The following C21orf58 variants were observed in gnomAD, a reference collection of about 807,000 sequenced individuals.
The protein encoded by C21orf58 is chromosome 21 open reading frame 58, also known as uncharacterized protein C21orf58.
In C21orf58, 34 loss-of-function variants were observed where a neutral mutation model predicts 35.8. The observed-to-expected ratio is 0.95, with a 90% CI of 0.72 to 1.26. The LOEUF (loss-of-function observed/expected upper bound fraction) is 1.26. Among genes scored for constraint, C21orf58 ranks in the 50% most tolerant of loss-of-function variants. The pLI is 0.00. For synonymous variants in C21orf58, 191 were observed against 175.8 expected (o/e 1.09, Z -0.68); for missense variants, 440 against 414.3 (o/e 1.06, Z -0.54).
intron 1 of C21orf58, 126 bp from the exon 2 acceptor site, chr21:46,318,346 G>T: frequency 1.3e-6 from 2 of 1,486,616 alleles, no homozygotes; most frequent in South Asian, 1.3e-5. Context: ...GCCCCAGGTT[G>T]CCAGGTTTCC....
rs753899952 is a variant in C21orf58, at chr21:46,302,552, TGCA to T, written c.743_745del (p.Leu248del). On this transcript the variant is annotated inframe_deletion, in exon 7 of 8. Coordinates refer to ENST00000291691, the MANE Select transcript of C21orf58 (RefSeq NM_058180.5). ...GACCAACTGGTGCACCTGTGCGTTC[TGCA>T]GCAGCAGCAGCTCCACCATGTCTGC... 1.9e-6 allele frequency: 3 copies of T among 1,612,414 alleles called. No individual in the cohort carries two copies. The highest frequency in any genetic ancestry group is 1.7e-5 in the Admixed American group (1 of 59,876).
At chr21:46,303,699 C>A (rs2082229091) in intron 6 of C21orf58, among the ~76,000 whole-genome samples, 1 of 110,468 alleles carries the variant, frequency 9.1e-6, no homozygotes, top group Non-Finnish European at 1.8e-5. Context: ...CACACACACA[C>A]ACACACAAAA....
chr21:46,306,926 T>G (rs147388364), intron 6 of C21orf58, among the ~76,000 whole-genome samples: 2 of 148,324 alleles, frequency 1.3e-5, no homozygotes, highest in African/African-American at 5.0e-5. Context: ...GACAGAGTCT[T>G]GGTCTGTCAC....
rs397867797 is a variant in C21orf58, at chr21:46,321,901, C to CTTT, written c.100+735_100+737dup. On this transcript the variant is annotated intron_variant, in intron 1 of 7. Coordinates refer to ENST00000291691, the MANE Select transcript of C21orf58 (RefSeq NM_058180.5). ...GTATCTACAAAATTTATCTGGGCAG[C>CTTT]TTTTTTTTTTTTTTTTTTTTGAGTT... 9.7e-4 allele frequency among the ~76,000 whole-genome samples: 116 copies of CTTT among 119,102 alleles called. 2 individuals are homozygous for CTTT. The highest frequency in any genetic ancestry group is 1.2e-3 in the African/African-American group (38 of 31,172). The allele number at this position is 119,102 out of a possible 152,430, so 78.1% of individuals were successfully genotyped here. A position where few individuals can be genotyped will look rare whatever the true frequency, so the allele number is the denominator to read the frequency against.
At chr21:46,314,621 C>G (rs2082888030) in intron 5 of C21orf58, 95 bp downstream of exon 5, 1 of 1,046,660 alleles carries the variant, frequency 9.6e-7, no homozygotes, top group South Asian at 1.7e-5. Context: ...ACGAGGCAAC[C>G]TCGCTGCAGG....
At chr21:46,313,174 T>C (rs141791063) in intron 5 of C21orf58, 124 of 450,276 alleles carry the variant, frequency 2.8e-4, no homozygotes, top group African/African-American at 2.2e-3. Context: ...CTACGGACAA[T>C]GTGGAAACAA....
chr21:46,311,562 G>T lies in C21orf58; in HGVS notation c.615C>A (p.Pro205=). 6.2e-7 allele frequency: 1 copy of T among 1,605,370 alleles called. No individual in the cohort carries two copies. ...GCTGAATGATGGTGGCAGGAGGCTG[G>T]GGGACCTAGGAACAGCCAGGTGATT... ...DPPRIILPTV[P]QPPATIIQQL... Residue 205 remains proline (P), a synonymous_variant, in exon 6 of 8, where the codon CCC becomes CCA. Coordinates refer to ENST00000291691, the MANE Select transcript of C21orf58 (RefSeq NM_058180.5).
chr21:46,314,314 G>A (rs2146067800), intron 5 of C21orf58, among the ~76,000 whole-genome samples: 1 of 152,182 alleles, frequency 6.6e-6, no homozygotes, highest in Middle Eastern at 3.4e-3. Flanking sequence ...CTGACCTCAG[G>A]TGATCCGCCC....
At chr21:46,314,919 G>A in intron 4 of C21orf58, 39 bp from the exon 5 acceptor site, 2 of 1,550,382 alleles carry the variant, frequency 1.3e-6, no homozygotes, top group Non-Finnish European at 1.7e-6. Flanking sequence ...ACGGGGACGG[G>A]GAGCCCCAAC....
intron 1 of C21orf58, chr21:46,320,730 C>A: frequency 6.6e-6 from 1 of 152,328 alleles, no homozygotes. Flanking sequence ...AGAAGCCCTC[C>A]ACATCTGCTG....
intron 7 of C21orf58, 146 bp from the exon 8 acceptor site, chr21:46,302,300 C>A (rs913738996): frequency 1.5e-5 from 21 of 1,359,766 alleles, no homozygotes; most frequent in East Asian, 5.1e-5. Context: ...TCCTCCCCCG[C>A]CCCAAATTGT....
chr21:46,314,772 G>A lies in C21orf58; in HGVS notation c.553C>T (p.Pro185Ser), dbSNP rs765563003. 1 of 1,521,884 alleles carries A rather than the reference G, an allele frequency of 6.6e-7. No homozygotes were observed. Among genetic ancestry groups the A allele is most frequent in the Non-Finnish European group, 8.9e-7 (1 of 1,128,386 alleles). The allele number at this position is 1,521,884 out of a possible 1,614,324, so 94.3% of individuals were successfully genotyped here. A position where few individuals can be genotyped will look rare whatever the true frequency, so the allele number is the denominator to read the frequency against. Reference protein sequence around the residue: ...PPELPPTGILPTASPSPLAPD... With the variant: ...PPELPPTGILSTASPSPLAPD... The stretch of plus-strand genomic sequence containing the variant: ...GCCAGCGGGGATGGGGAGGCAGTGG[G>A]TAGGATGCCCGTGGGGGGCAGCTCT... The change falls in exon 5 of 8, where the codon CCC (proline) becomes TCC (serine). Residue 185 changes from proline to serine, a missense_variant. Physicochemically the swap from Pro to Ser is moderately conservative, Grantham distance 74. Coordinates refer to ENST00000291691, the MANE Select transcript of C21orf58 (RefSeq NM_058180.5).
intron 5 of C21orf58, among the ~76,000 whole-genome samples, chr21:46,314,455 C>G (rs559129860): frequency 7.4e-4 from 113 of 152,298 alleles, no homozygotes; most frequent in Middle Eastern, 3.4e-3. Context: ...ACTTCTGCCC[C>G]TAATGCAACA....
chr21:46,302,404 C>T (rs2082146484), intron 7 of C21orf58, 81 bp downstream of exon 7: 2 of 1,214,880 alleles, frequency 1.6e-6, no homozygotes, highest in East Asian at 2.5e-5. Context: ...TTCAGAGCTA[C>T]ACAGATGCAG....
intron 6 of C21orf58, among the ~76,000 whole-genome samples, chr21:46,307,726 G>A (rs1256884002): frequency 1.3e-5 from 2 of 152,164 alleles, no homozygotes; most frequent in East Asian, 3.9e-4. Context: ...CAGGGGTTGG[G>A]ATAGGCAGGT....
intron 1 of C21orf58, chr21:46,318,693 A>G: frequency 9.5e-7 from 1 of 1,048,722 alleles, no homozygotes; most frequent in Non-Finnish European, 1.2e-6. Context: ...AATTGCAGGC[A>G]GCAGAAGGGG....
At chr21:46,304,000 C>T (rs1333704314) in intron 6 of C21orf58, among the ~76,000 whole-genome samples, 1 of 141,620 alleles carries the variant, frequency 7.1e-6, no homozygotes, top group Non-Finnish European at 1.5e-5. Flanking sequence ...ATCCACCTGC[C>T]TTGGCTTCCC....
At chr21:46,318,498 A>C in intron 1 of C21orf58, 3 of 1,328,810 alleles carry the variant, frequency 2.3e-6, no homozygotes, top group East Asian at 3.3e-5. Context: ...GTGACCCCCT[A>C]TGCACCACCA....
At chr21:46,300,757 C>T (rs973697958), downstream of C21orf58, 3 of 1,289,490 alleles carry the variant, frequency 2.3e-6, no homozygotes, top group Non-Finnish European at 3.0e-6. Flanking sequence ...GGACAGGGTT[C>T]CTCCTTGTGC....
Sources: gnomAD v4.1 joint callset for allele counts (sites outside exome capture counted in the v4.1 genomes callset) on GRCh38, gnomAD v4.1.1 for gene constraint, MANE v1.5 for transcripts, NCBI Gene and HGNC (gene_info 2026-07-23, HGNC 2026-07-21) for gene names.